The following HEPHL1 variants were observed in gnomAD, a reference collection of about 807,000 sequenced individuals.
HEPHL1 encodes ferroxidase HEPHL1.
In HEPHL1, 123 loss-of-function variants were observed where a neutral mutation model predicts 122.0. The observed-to-expected ratio is 1.01, with a 90% CI of 0.87 to 1.17. The LOEUF (loss-of-function observed/expected upper bound fraction) is 1.17. Among genes scored for constraint, HEPHL1 ranks in the 50% most tolerant of loss-of-function variants. The pLI, the probability that HEPHL1 is intolerant of heterozygous loss-of-function variation, is 0.00. For synonymous variants in HEPHL1, 527 were observed against 508.9 expected, an observed-to-expected ratio of 1.04 and a Z score of -0.48; for missense variants, 1,452 against 1,430.5, an observed-to-expected ratio of 1.01 and a Z score of -0.24.
intron 17 of HEPHL1, among the ~76,000 whole-genome samples, chr11:94,106,489 G>T (rs757724156): frequency 5.3e-5 from 8 of 151,770 alleles, no homozygotes; most frequent in Non-Finnish European, 8.8e-5. Context: ...TAGAGACGGG[G>T]TTTCACCATG....
intron 1 of HEPHL1, among the ~76,000 whole-genome samples, chr11:94,027,829 G>C (rs1945639699): frequency 6.6e-6 from 1 of 152,190 alleles, no homozygotes; most frequent in Middle Eastern, 3.2e-3. Context: ...CAGGGACCCA[G>C]AGTGAAAGAA....
rs1725855180 is a variant in HEPHL1, at chr11:94,111,946, TG to T, written c.*54del. On this transcript the variant is annotated 3_prime_UTR_variant, in exon 20 of 20. Transcript: ENST00000315765. ...GGGTGATGTCCCACAGCTGGCCAGA[TG>T]GCAGCCAACAGGGAAACTGGACCAA... 7.4e-7 allele frequency: 1 copy of T among 1,348,682 alleles called. No homozygotes were observed. The highest frequency in any genetic ancestry group is 9.9e-7 in the Non-Finnish European group (1 of 1,006,118). The allele number at this position is 1,348,682 out of a possible 1,614,324, so 83.5% of individuals were successfully genotyped here. A position where few individuals can be genotyped will look rare whatever the true frequency, so the allele number is the denominator to read the frequency against.
At chr11:94,063,417 G>A in intron 2 of HEPHL1, 91 bp from the exon 3 acceptor site, 1 of 996,800 alleles carries the variant, frequency 1.0e-6, no homozygotes, top group Non-Finnish European at 1.5e-6. Context: ...AGTTATGTTT[G>A]ATTCCAAAGC....
intron 1 of HEPHL1, among the ~76,000 whole-genome samples, chr11:94,031,467 C>A (rs893250536): frequency 1.3e-5 from 2 of 151,898 alleles, no homozygotes; most frequent in Admixed American, 6.6e-5. Flanking sequence ...CCACCTTATT[C>A]TTTTCTTATG....
intron 9 of HEPHL1, among the ~76,000 whole-genome samples, chr11:94,081,088 C>G (rs894731833): frequency 1.3e-5 from 2 of 152,174 alleles, no homozygotes; most frequent in African/African-American, 4.8e-5. Context: ...TTGTGGTACA[C>G]GTACACCATG....
At chr11:94,060,162 G>T (rs1945975330) in intron 2 of HEPHL1, among the ~76,000 whole-genome samples, 1 of 132,116 alleles carries the variant, frequency 7.6e-6, no homozygotes, top group African/African-American at 2.9e-5. Context: ...ACGCACTGGG[G>T]TAGATCTTGA....
At chr11:94,044,638 C>T (rs564118653) in intron 1 of HEPHL1, among the ~76,000 whole-genome samples, 49 of 152,312 alleles carry the variant, frequency 3.2e-4, no homozygotes, top group African/African-American at 1.1e-3. Context: ...GCTTCCTCCT[C>T]ACTGTACATC....
intron 6 of HEPHL1, 123 bp from the exon 7 acceptor site, chr11:94,072,902 G>A: frequency 1.2e-6 from 1 of 847,592 alleles, no homozygotes; most frequent in East Asian, 2.6e-5. Context: ...CAAGGCCTGT[G>A]CTGTCTTTTC....
chr11:94,081,177 G>GGCAAACTAAGCAGGAACA (rs1946167643), intron 9 of HEPHL1, among the ~76,000 whole-genome samples: 1 of 152,070 alleles, frequency 6.6e-6, no homozygotes, highest in Non-Finnish European at 1.5e-5. Context: ...CATTATCTTC[G>GGCAAACTAAGCAGGAACA]GCAAACTAAA....
chr11:94,032,283 C>T lies in HEPHL1; in HGVS notation c.170+10745C>T, dbSNP rs140476276. 6.6e-5 allele frequency among the ~76,000 whole-genome samples: 10 copies of T among 152,296 alleles called. No homozygotes were observed. In the South Asian group the frequency reaches 1.0e-3, roughly 16 times the overall value. ...GCTCAGCTGAAAACCGTGGGGGATT[C>T]TCCAGCCTCCGAGGCCAAGGCCTGC... On this transcript the variant is annotated intron_variant, in intron 1 of 19. Transcript: ENST00000315765.
intron 1 of HEPHL1, among the ~76,000 whole-genome samples, chr11:94,029,679 C>G (rs1480872056): frequency 6.6e-6 from 1 of 152,172 alleles, no homozygotes; most frequent in Admixed American, 6.5e-5. Context: ...AAAACCCAAT[C>G]CCCCCTTGGG....
intron 2 of HEPHL1, chr11:94,055,916 T>G: frequency 8.7e-7 from 1 of 1,147,428 alleles, no homozygotes; most frequent in Non-Finnish European, 1.2e-6. Context: ...CCGTGCCTCC[T>G]GTAACAGCTA....
intron 13 of HEPHL1, 95 bp from the exon 14 acceptor site, chr11:94,101,100 A>ATTTT (rs2134451633): frequency 1.4e-6 from 2 of 1,414,020 alleles, no homozygotes; most frequent in East Asian, 4.6e-5. Context: ...AACTAAAGCC[A>ATTTT]AACTATTTTA....
At chr11:94,058,967 A>T (rs1945962497) in intron 2 of HEPHL1, among the ~76,000 whole-genome samples, 1 of 152,206 alleles carries the variant, frequency 6.6e-6, no homozygotes, top group Admixed American at 6.5e-5. Flanking sequence ...TAGAAAATTA[A>T]AGTGCCAAAT....
At chr11:94,090,374 T>C (rs1182191232) in intron 12 of HEPHL1, among the ~76,000 whole-genome samples, 3 of 152,186 alleles carry the variant, frequency 2.0e-5, no homozygotes, top group African/African-American at 4.8e-5. Flanking sequence ...CATGAATGTA[T>C]AAAAATATAG....
intron 1 of HEPHL1, among the ~76,000 whole-genome samples, chr11:94,035,931 T>A (rs1038782746): frequency 5.3e-5 from 8 of 152,094 alleles, no homozygotes; most frequent in Non-Finnish European, 7.4e-5. Context: ...AGAGACGGGG[T>A]TTCACCGTGT....
chr11:94,044,012 C>T (rs1477058320), intron 1 of HEPHL1, among the ~76,000 whole-genome samples: 1 of 151,852 alleles, frequency 6.6e-6, no homozygotes, highest in African/African-American at 2.4e-5. Context: ...CTCTTACCCC[C>T]AAAAGGGACA....
intron 1 of HEPHL1, among the ~76,000 whole-genome samples, chr11:94,036,790 G>A (rs1200040503): frequency 2.1e-5 from 3 of 142,896 alleles, no homozygotes; most frequent in Non-Finnish European, 4.5e-5. Flanking sequence ...AGTGAGCCTA[G>A]ATCGTGCCAT....
intron 1 of HEPHL1, among the ~76,000 whole-genome samples, chr11:94,039,906 C>A (rs1418839754): frequency 1.0e-5 from 1 of 96,376 alleles, no homozygotes; most frequent in African/African-American, 4.4e-5. Flanking sequence ...ACACAAAAAA[C>A]CCTTCAAAGA....
Sources: gnomAD v4.1 joint callset for allele counts (sites outside exome capture counted in the v4.1 genomes callset) on GRCh38, gnomAD v4.1.1 for gene constraint, MANE v1.5 for transcripts, NCBI Gene and HGNC (gene_info 2026-07-23, HGNC 2026-07-21) for gene names.